Variants in USP24 observed in about 807,000 individuals in gnomAD.
USP24 encodes the protein ubiquitin carboxyl-terminal hydrolase 24.
Under a neutral mutation model 361.6 loss-of-function variants are expected in USP24, and 97 were observed. That is an observed-to-expected ratio of 0.27 (90% CI 0.23 to 0.32). The LOEUF (loss-of-function observed/expected upper bound fraction) is 0.32. Ranked by LOEUF, USP24 falls within the 10% of genes least tolerant of loss-of-function variation. The pLI is 1.00. For synonymous variants in USP24, 1,098 were observed against 1,124.6 expected (o/e 0.98, Z 0.47); for missense variants, 2,353 against 3,165.6 (o/e 0.74, Z 6.16).
intron 35 of USP24, 109 bp downstream of exon 35, chr1:55,124,356 ACAAG>A (rs2100610436): frequency 2.3e-5 from 29 of 1,271,016 alleles, no homozygotes; most frequent in South Asian, 2.0e-4. Flanking sequence ...ACTCATGCTC[ACAAG>A]CAAGAGAAGA....
Position 55,077,413 on chromosome 1 carries a change from G to C in USP24, c.7315-113C>G, listed in dbSNP as rs903531682. 63 of 796,104 alleles carry C rather than the reference G, an allele frequency of 7.9e-5. No homozygotes were observed. The African/African-American group carries it at 1.1e-3, about 14-fold the overall frequency. 49.3% of individuals were successfully genotyped at this position (796,104 alleles called of 1,614,324 possible). A position where few individuals can be genotyped will look rare whatever the true frequency, so the allele number is the denominator to read the frequency against. ...TCACCTTCTGGCCGACCCTGGACAA[G>C]TCAATACTGCTTTCTAGGCCTTAGT... On this transcript the variant is annotated intron_variant, in intron 61 of 67. Transcript: ENST00000294383.
At chr1:55,092,661 T>C (rs1023406633) in intron 53 of USP24, among the ~76,000 whole-genome samples, 160 bp downstream of exon 53, 20 of 152,240 alleles carry the variant, frequency 1.3e-4, no homozygotes, top group Non-Finnish European at 2.9e-5. Context: ...GCTGCTTGCA[T>C]TTTAATATTA....
intron 7 of USP24, among the ~76,000 whole-genome samples, chr1:55,162,561 T>A (rs917838995): frequency 5.9e-5 from 9 of 152,110 alleles, no homozygotes; most frequent in Admixed American, 2.0e-4. Context: ...TACATTTTTT[T>A]AAAAAAGGAG....
At chr1:55,214,144 C>G (rs902725956) in intron 1 of USP24, among the ~76,000 whole-genome samples, 1 of 151,950 alleles carries the variant, frequency 6.6e-6, no homozygotes, top group Non-Finnish European at 1.5e-5. Context: ...TGATTTTATT[C>G]AAGTCCTCAT....
Position 55,146,960 on chromosome 1 carries a change from G to A in USP24, c.2219C>T (p.Thr740Ile). Residue 740 changes from threonine (T) to isoleucine (I), a missense_variant, in exon 19 of 68, where the codon ACT becomes ATT. Thr to Ile is a moderately conservative substitution (Grantham distance 89). Around this residue, in one of 8 missense-constraint regions of USP24, gnomAD observed 949 missense variants for 1,280.5 expected, o/e 0.74. Coordinates refer to ENST00000294383, the MANE Select transcript of USP24 (RefSeq NM_015306.3). ...RAKEIWECLV[T>I]GQDVCELDRE... ...ATCTAATTCACAAACATCCTGGCCA[G>A]TTACAAGACACTCCCAGATCTCCTT... 6.2e-7 allele frequency: 1 copy of A among 1,611,936 alleles called. No homozygotes were observed. Among genetic ancestry groups the A allele is most frequent in the Non-Finnish European group, 8.5e-7 (1 of 1,178,910 alleles).
At chr1:55,198,775 T>C (rs952324694) in intron 1 of USP24, among the ~76,000 whole-genome samples, 2 of 152,200 alleles carry the variant, frequency 1.3e-5, no homozygotes, top group African/African-American at 2.4e-5. Flanking sequence ...GGTCAAAATA[T>C]AGGTTGTTGA....
chr1:55,078,516 A>C (rs758906841), intron 61 of USP24, 22 bp downstream of exon 61: 1 of 1,583,546 alleles, frequency 6.3e-7, no homozygotes, highest in Non-Finnish European at 8.6e-7. Flanking sequence ...TCTGGCTATC[A>C]CTCGTTTAAC....
chr1:55,157,116 T>C, intron 11 of USP24, 65 bp from the exon 12 acceptor site: 1 of 1,462,078 alleles, frequency 6.8e-7, no homozygotes, highest in South Asian at 1.2e-5. Flanking sequence ...AATATAATTC[T>C]ATTGATTCAA....
At chr1:55,077,156 A>T (rs944540967) in intron 62 of USP24, 79 bp downstream of exon 62, 1 of 1,227,462 alleles carries the variant, frequency 8.1e-7, no homozygotes, top group Non-Finnish European at 1.1e-6. Context: ...TAATAAAAAG[A>T]CATATAATTT....
At position 55,174,293 on chromosome 1, in the gene USP24, T is replaced by C. The variant is rs78177341; in HGVS notation, c.559-1773A>G. ...GAACCGAGAAACACAGCTAGGTAAG[T>C]AGTACCAATTATATCAAATCCTACT... On this transcript the variant is annotated intron_variant, in intron 3 of 67. Coordinates refer to ENST00000294383, the MANE Select transcript of USP24 (RefSeq NM_015306.3). 3.9e-3 allele frequency among the ~76,000 whole-genome samples: 586 copies of C among 152,114 alleles called. 6 individuals are homozygous for C. The highest frequency in any genetic ancestry group is 6.0e-3 in the Non-Finnish European group (408 of 67,964).
chr1:55,176,590 A>G (rs936345661), intron 2 of USP24, 147 bp from the exon 3 acceptor site: 5 of 673,300 alleles, frequency 7.4e-6, no homozygotes, highest in Non-Finnish European at 1.2e-5. Flanking sequence ...ATATGGAACT[A>G]TGTCATAGGA....
intron 1 of USP24, among the ~76,000 whole-genome samples, chr1:55,181,288 C>CA (rs766778349): frequency 2.6e-5 from 4 of 151,636 alleles, no homozygotes; most frequent in Non-Finnish European, 5.9e-5. Context: ...CTAAATAAAA[C>CA]AAAAAACAGG....
intron 1 of USP24, among the ~76,000 whole-genome samples, chr1:55,189,603 T>C (rs1644232839): frequency 6.6e-6 from 1 of 152,198 alleles, no homozygotes; most frequent in Non-Finnish European, 1.5e-5. Flanking sequence ...AGGTTTCTTT[T>C]GGAGGTGATG....
intron 8 of USP24, among the ~76,000 whole-genome samples, chr1:55,161,042 T>C (rs1436763606): frequency 6.6e-6 from 1 of 152,116 alleles, no homozygotes; most frequent in Non-Finnish European, 1.5e-5. Flanking sequence ...TCTTGCAGGA[T>C]TACCTTGACA....
chr1:55,134,217 A>C, intron 29 of USP24, 54 bp from the exon 30 acceptor site: 1 of 1,583,740 alleles, frequency 6.3e-7, no homozygotes, highest in South Asian at 1.1e-5. Context: ...TAATTCAACA[A>C]AGTCCATTAG....
chr1:55,203,114 T>C (rs1327122475), intron 1 of USP24, among the ~76,000 whole-genome samples: 2 of 152,206 alleles, frequency 1.3e-5, no homozygotes, highest in South Asian at 2.1e-4. Context: ...ACACAACATA[T>C]ATAGGGTTCA....
intron 56 of USP24, among the ~76,000 whole-genome samples, chr1:55,085,122 T>C (rs1328959388): frequency 6.6e-6 from 1 of 152,214 alleles, no homozygotes; most frequent in African/African-American, 2.4e-5. Context: ...TTTAAGCTGA[T>C]CAAAACCACT....
intron 1 of USP24, among the ~76,000 whole-genome samples, chr1:55,197,427 G>A (rs1644449773): frequency 6.6e-6 from 1 of 152,224 alleles, no homozygotes; most frequent in African/African-American, 2.4e-5. Flanking sequence ...CTAAGACAGA[G>A]TGGGTGCTCA....
At chr1:55,171,410 T>A (rs1054243610) in intron 5 of USP24, 146 bp downstream of exon 5, 4 of 1,004,686 alleles carry the variant, frequency 4.0e-6, no homozygotes, top group Non-Finnish European at 5.7e-6. Context: ...TGAAAAAAAA[T>A]GTAGGCAATT....
Sources: gnomAD v4.1 joint callset for allele counts (sites outside exome capture counted in the v4.1 genomes callset) on GRCh38, gnomAD v4.1.1 for gene constraint, gnomAD v4.1.1 regional missense constraint, MANE v1.5 for transcripts, NCBI Gene and HGNC (gene_info 2026-07-23, HGNC 2026-07-21) for gene names.